Variants in FNBP4 observed in about 807,000 individuals in gnomAD.
The protein encoded by FNBP4 is formin-binding protein 4.
Under a neutral mutation model 119.3 loss-of-function variants are expected in FNBP4, and 34 were observed. That is an observed-to-expected ratio of 0.28 (90% CI 0.22 to 0.38). The LOEUF (loss-of-function observed/expected upper bound fraction) is 0.38, where lower values mean the gene tolerates loss of function less well. FNBP4 is among the 10% of genes least tolerant of loss of function. The pLI is 1.00. For missense variants in FNBP4, 1,112 were observed against 1,228.9 expected, an observed-to-expected ratio of 0.90 and a Z score of 1.42; for synonymous variants, 462 against 430.6, an observed-to-expected ratio of 1.07 and a Z score of -0.90.
chr11:47,743,929 A>G (rs1230182122), intron 8 of FNBP4, 24 bp downstream of exon 8: 1 of 1,603,814 alleles, frequency 6.2e-7, no homozygotes, highest in Admixed American at 1.7e-5. Flanking sequence ...TCAACTCTGA[A>G]GTTTAATGTG....
chr11:47,753,794 G>A (rs1254197053), intron 3 of FNBP4, among the ~76,000 whole-genome samples: 3 of 151,684 alleles, frequency 2.0e-5, no homozygotes, highest in East Asian at 1.9e-4. Context: ...ACCCAGTCTC[G>A]AGGGAGAAAA....
In FNBP4 at chr11:47,743,794, G is replaced by A. The variant is rs567393964; in HGVS notation, c.1456+159C>T. 1.3e-4 allele frequency: 86 copies of A among 661,376 alleles called. No individual in the cohort carries two copies. The South Asian group carries it at 1.7e-3, about 13-fold the overall frequency. 41.0% of individuals were successfully genotyped at this position (661,376 alleles called of 1,614,324 possible). A position where few individuals can be genotyped will look rare whatever the true frequency, so the allele number is the denominator to read the frequency against. ...TACTCCTCTACTAGAAAAAGATCTG[G>A]AAAAGGTAGAGAGGTGGATGGAAGC... is the stretch of plus-strand genomic sequence containing the variant. On this transcript the variant is annotated intron_variant, in intron 8 of 16. Transcript: ENST00000263773.
chr11:47,726,207 T>C (rs555764221), intron 12 of FNBP4: 2 of 152,250 alleles, frequency 1.3e-5, no homozygotes, highest in East Asian at 1.9e-4. Flanking sequence ...TTGCTCAAAA[T>C]ACACACTGGC....
intron 7 of FNBP4, among the ~76,000 whole-genome samples, 184 bp from the exon 8 acceptor site, chr11:47,744,347 C>T (rs926036271): frequency 6.6e-5 from 10 of 151,916 alleles, no homozygotes; most frequent in African/African-American, 2.2e-4. Context: ...GATCATGGCT[C>T]GCTGTAGCTA....
intron 6 of FNBP4, among the ~76,000 whole-genome samples, chr11:47,747,425 C>T (rs868363492): frequency 6.6e-6 from 1 of 150,802 alleles, no homozygotes. Flanking sequence ...CCAGGCTGGT[C>T]TCGAACTCCT....
In FNBP4 at chr11:47,767,012, G is replaced by A. The variant is rs556707337; in HGVS notation, c.220+57C>T. ...CTCGCCGGGTCTGGCCAGGCGCCGT[G>A]AGGAGCCTAGGCCGCAAGCCCTGAG... On this transcript the variant is annotated intron_variant, in intron 1 of 16. Transcript: ENST00000263773. 5.4e-6 allele frequency: 8 copies of A among 1,492,930 alleles called. No individual in the cohort carries two copies. The African/African-American group carries it at 1.2e-4, about 22-fold the overall frequency. The allele number at this position is 1,492,930 out of a possible 1,614,324, so 92.5% of individuals were successfully genotyped here. A position where few individuals can be genotyped will look rare whatever the true frequency, so the allele number is the denominator to read the frequency against.
intron 2 of FNBP4, among the ~76,000 whole-genome samples, chr11:47,759,028 C>T (rs1487166424): frequency 1.3e-5 from 2 of 150,832 alleles, no homozygotes; most frequent in Non-Finnish European, 2.9e-5. Context: ...AGGTGATTCT[C>T]TTGCCTCAGC....
intron 8 of FNBP4, among the ~76,000 whole-genome samples, chr11:47,742,399 C>T (rs1446696346): frequency 2.3e-5 from 3 of 133,186 alleles, no homozygotes; most frequent in Non-Finnish European, 4.8e-5. Flanking sequence ...AATTGCTTGA[C>T]CCCGGGAGGT....
chr11:47,727,639 G>C (rs2097562668), intron 12 of FNBP4, among the ~76,000 whole-genome samples: 1 of 152,008 alleles, frequency 6.6e-6, no homozygotes, highest in Admixed American at 6.6e-5. Context: ...CATCTCACAT[G>C]AAAATAAATA....
In FNBP4 at chr11:47,746,209, T is replaced by C. The variant is rs774871351; in HGVS notation, c.1092A>G (p.Glu364=). 9.9e-6 allele frequency: 16 copies of C among 1,614,082 alleles called. No homozygotes were observed. Among genetic ancestry groups the C allele is most frequent in the Non-Finnish European group, 1.4e-5 (16 of 1,180,048 alleles). Reference sequence around the variant, plus strand: ...CCTGTGGCTTTACTATTGTTGTTGCTTCTTCTACTGTTGTACTTGTTTCTT... The same window carrying C: ...CCTGTGGCTTTACTATTGTTGTTGCCTCTTCTACTGTTGTACTTGTTTCTT... ...EVKETSTTVE[E]ATTIVKPQEI... is the part of the protein sequence containing the mutation. The change falls in exon 7 of 17, where the codon GAA becomes GAG. Residue 364 remains glutamate (E), a synonymous_variant. Transcript: ENST00000263773.
In FNBP4 at chr11:47,751,675, G is replaced by A. The variant is rs554513312; in HGVS notation, c.638-385C>T. ...TTTTTTAAAAAAAAACAGTTTGGCCGGCTACAGTGGCTCATGCCTGTAATC... is the reference window on the plus strand; with the variant it reads ...TTTTTTAAAAAAAAACAGTTTGGCCAGCTACAGTGGCTCATGCCTGTAATC... On this transcript the variant is annotated intron_variant, in intron 4 of 16. Transcript: ENST00000263773. 6.6e-5 allele frequency among the ~76,000 whole-genome samples: 10 copies of A among 152,196 alleles called. No individual in the cohort carries two copies. The East Asian group carries it at 1.7e-3, about 26-fold the overall frequency.
At chr11:47,736,009 C>T (rs1351602274) in intron 9 of FNBP4, among the ~76,000 whole-genome samples, 4 of 151,712 alleles carry the variant, frequency 2.6e-5, no homozygotes, top group Non-Finnish European at 4.4e-5. Flanking sequence ...ACCCAGGAGG[C>T]GGAGCTTGCA....
At chr11:47,723,340 T>A (rs1370546399) in intron 14 of FNBP4, 24 bp from the exon 15 acceptor site, 1 of 1,572,748 alleles carries the variant, frequency 6.4e-7, no homozygotes, top group East Asian at 2.2e-5. Context: ...CATAAAATGA[T>A]ACTATAAAAA....
At chr11:47,733,509 A>G (rs2097570044) in intron 10 of FNBP4, among the ~76,000 whole-genome samples, 1 of 151,856 alleles carries the variant, frequency 6.6e-6, no homozygotes, top group South Asian at 2.1e-4. Flanking sequence ...CTAATTTTGT[A>G]TTTTTAGTAG....
intron 9 of FNBP4, among the ~76,000 whole-genome samples, chr11:47,736,114 G>A (rs2097573692): frequency 6.6e-6 from 1 of 151,272 alleles, no homozygotes; most frequent in Admixed American, 6.6e-5. Context: ...AGTGGTGGGT[G>A]CCTGTAATCT....
chr11:47,729,393 A>G (rs2097564892), intron 12 of FNBP4: 1 of 985,272 alleles, frequency 1.0e-6, no homozygotes, highest in African/African-American at 1.7e-5. Flanking sequence ...CTCCATCTTT[A>G]AAAACATAAT....
intron 6 of FNBP4, among the ~76,000 whole-genome samples, chr11:47,749,713 G>A (rs2097598083): frequency 6.6e-6 from 1 of 152,136 alleles, no homozygotes; most frequent in African/African-American, 2.4e-5. Context: ...CATAGTATCC[G>A]TTATTGAAAA....
intron 2 of FNBP4, among the ~76,000 whole-genome samples, chr11:47,763,973 A>G (rs2097641555): frequency 1.3e-5 from 2 of 152,112 alleles, no homozygotes; most frequent in South Asian, 2.1e-4. Flanking sequence ...GTGCCCCTAA[A>G]AAGGATGTTT....
rs752730208 is a variant in FNBP4 at position 47,720,565 on chromosome 11, C to CAAAA, written c.2806-483_2806-480dup. On this transcript the variant is annotated intron_variant, in intron 15 of 16. Coordinates refer to ENST00000263773, the MANE Select transcript of FNBP4 (RefSeq NM_015308.5). ...TGGGCTACAGAGGGAGACTCCGTCT[C>CAAAA]AAAAAAATAAATAAATAAATAAATA... Among the ~76,000 whole-genome samples, 562 of 137,444 alleles carry CAAAA rather than the reference C, an allele frequency of 4.1e-3. 1 individual carries two copies. Among genetic ancestry groups the CAAAA allele is most frequent in the African/African-American group, 4.7e-3 (182 of 39,118 alleles). The allele number at this position is 137,444 out of a possible 152,430, so 90.2% of individuals were successfully genotyped here. A position where few individuals can be genotyped will look rare whatever the true frequency, so the allele number is the denominator to read the frequency against.
Sources: gnomAD v4.1 joint callset for allele counts (sites outside exome capture counted in the v4.1 genomes callset) on GRCh38, gnomAD v4.1.1 for gene constraint, MANE v1.5 for transcripts, NCBI Gene and HGNC (gene_info 2026-07-23, HGNC 2026-07-21) for gene names.